Variants in ZHX3 observed in about 807,000 individuals in gnomAD.
The protein encoded by ZHX3 is zinc fingers and homeoboxes protein 3.
In ZHX3, 20 loss-of-function variants were observed where a neutral mutation model predicts 64.5. That is an observed-to-expected ratio of 0.31 (90% CI 0.22 to 0.45). The LOEUF is 0.45. Ranked by LOEUF, ZHX3 falls within the 20% of genes least tolerant of loss-of-function variation. The pLI is 1.00. For missense variants in ZHX3, 1,041 were observed against 1,195.8 expected (o/e 0.87, Z 1.91); for synonymous variants, 423 against 461.6 (o/e 0.92, Z 1.07).
chr20:41,259,457 T>C lies in ZHX3; in HGVS notation c.-151+9533A>G, dbSNP rs1302926228. 2.6e-5 allele frequency among the ~76,000 whole-genome samples: 4 copies of C among 152,122 alleles called. No individual in the cohort carries two copies. The East Asian group carries it at 7.7e-4, about 29-fold the overall frequency. On this transcript the variant is annotated intron_variant, in intron 2 of 3. Transcript: ENST00000683867. ...CATTTCATGTAGTGCTAGTAAAAAA[T>C]TGGGAATAATTTAAACATCCACCAA... is the stretch of plus-strand genomic sequence containing the variant.
intron 1 of ZHX3, chr20:41,300,143 A>G (rs564325077): frequency 1.3e-5 from 2 of 152,286 alleles, no homozygotes; most frequent in South Asian, 4.1e-4. Context: ...CATGGAGGCA[A>G]TTGTAATGTC....
intron 3 of ZHX3, among the ~76,000 whole-genome samples, chr20:41,192,112 A>G (rs1346444991): frequency 6.6e-6 from 1 of 152,116 alleles, no homozygotes; most frequent in Admixed American, 6.5e-5. Flanking sequence ...GTCCCAAGTG[A>G]TATGTGCTTG....
At chr20:41,311,759 G>A (rs1405150143) in intron 1 of ZHX3, among the ~76,000 whole-genome samples, 1 of 152,146 alleles carries the variant, frequency 6.6e-6, no homozygotes, top group Non-Finnish European at 1.5e-5. Context: ...AACAGAAGTG[G>A]TAATATAATT....
chr20:41,186,688 T>G (rs537402071), intron 3 of ZHX3, among the ~76,000 whole-genome samples: 5 of 152,364 alleles, frequency 3.3e-5, no homozygotes, highest in African/African-American at 1.2e-4. Context: ...ACAGCCATCT[T>G]AAGTGTGAAG....
At chr20:41,218,413 T>C in intron 2 of ZHX3, among the ~76,000 whole-genome samples, 1 of 152,060 alleles carries the variant, frequency 6.6e-6, no homozygotes, top group Non-Finnish European at 1.5e-5. Context: ...TACTGCACTT[T>C]AGCCTGGGCA....
In ZHX3 at chr20:41,287,248, C is replaced by G. The variant is rs138853789; in HGVS notation, c.-244-18165G>C. Among the ~76,000 whole-genome samples the G allele has an allele frequency of 4.6e-3, 704 of 152,282 alleles. 8 individuals are homozygous for G. The highest frequency in any genetic ancestry group is 0.015 in the African/African-American group (642 of 41,558). ...TAAATATTACTGTTTAGAGAGGCCT[C>G]CCCTGACTACACCACCCCAAGTAGC... On this transcript the variant is annotated intron_variant, in intron 1 of 3. Coordinates refer to ENST00000683867, the MANE Select transcript of ZHX3 (RefSeq NM_001384317.1).
At chr20:41,257,315 T>C (rs187044920) in intron 2 of ZHX3, among the ~76,000 whole-genome samples, 8 of 152,320 alleles carry the variant, frequency 5.3e-5, no homozygotes, top group African/African-American at 1.9e-4. Flanking sequence ...TTGACTAATT[T>C]TCTGCTATCA....
intron 1 of ZHX3, among the ~76,000 whole-genome samples, chr20:41,282,648 G>A (rs1009933886): frequency 1.3e-5 from 2 of 151,956 alleles, no homozygotes; most frequent in Non-Finnish European, 2.9e-5. Flanking sequence ...GTAAGCCACC[G>A]CACCCAGCCC....
At chr20:41,243,521 G>A (rs951639524) in intron 2 of ZHX3, among the ~76,000 whole-genome samples, 1 of 152,154 alleles carries the variant, frequency 6.6e-6, no homozygotes, top group Non-Finnish European at 1.5e-5. Context: ...TCTTACCTAT[G>A]TGGAAGCTAA....
intron 2 of ZHX3, among the ~76,000 whole-genome samples, chr20:41,215,670 C>G (rs539692441): frequency 1.3e-5 from 2 of 150,998 alleles, no homozygotes; most frequent in Non-Finnish European, 2.9e-5. Context: ...CGCGGTGGCT[C>G]ACGCCTGTAA....
chr20:41,287,170 C>T (rs1325825422), intron 1 of ZHX3, among the ~76,000 whole-genome samples: 1 of 152,124 alleles, frequency 6.6e-6, no homozygotes, highest in Admixed American at 6.5e-5. Context: ...AGGAATCAAT[C>T]ATTTATCCCA....
intron 1 of ZHX3, among the ~76,000 whole-genome samples, chr20:41,293,972 C>T (rs2044375431): frequency 6.6e-6 from 1 of 152,164 alleles, no homozygotes; most frequent in Admixed American, 6.5e-5. Context: ...AGCACAACTC[C>T]AGACAATCAA....
At chr20:41,264,188 T>C (rs1311060297) in intron 2 of ZHX3, among the ~76,000 whole-genome samples, 9 of 151,162 alleles carry the variant, frequency 6.0e-5, no homozygotes, top group African/African-American at 2.2e-4. Context: ...ACGGGCAGAT[T>C]GCCTGAGCTC....
chr20:41,264,999 C>T (rs2042765601), intron 2 of ZHX3, among the ~76,000 whole-genome samples: 1 of 152,072 alleles, frequency 6.6e-6, no homozygotes, highest in African/African-American at 2.4e-5. Context: ...ACAAACTATG[C>T]AGTCATTAAA....
At chr20:41,211,353 A>C (rs2039144702) in intron 2 of ZHX3, among the ~76,000 whole-genome samples, 1 of 152,202 alleles carries the variant, frequency 6.6e-6, no homozygotes, top group Admixed American at 6.5e-5. Flanking sequence ...TCAAATTCTC[A>C]GTAAATAAAC....
Position 41,200,587 on chromosome 20 carries a change from C to T in ZHX3, c.2860+1470G>A, listed in dbSNP as rs1274800205. 1.3e-5 allele frequency among the ~76,000 whole-genome samples: 2 copies of T among 152,150 alleles called. No homozygotes were observed. The highest frequency in any genetic ancestry group is 1.5e-5 in the Non-Finnish European group (1 of 68,026). On this transcript the variant is annotated intron_variant, in intron 3 of 3. Coordinates refer to ENST00000683867, the MANE Select transcript of ZHX3 (RefSeq NM_001384317.1). The surrounding 1 kb of genome is among the most constrained non-coding windows in gnomAD (Gnocchi z 4.2). The stretch of plus-strand genomic sequence containing the variant: ...TGTTTTGTTGTTGCCGTATTGAAAA[C>T]ATGGCTGGAGTTGGAGGAGGCTGTA...
At chr20:41,189,758 C>G (rs2036844923) in intron 3 of ZHX3, among the ~76,000 whole-genome samples, 1 of 152,108 alleles carries the variant, frequency 6.6e-6, no homozygotes, top group Non-Finnish European at 1.5e-5. Flanking sequence ...TTCTAAGTAT[C>G]AGATCATGTC....
chr20:41,223,593 C>T (rs2040085751), intron 2 of ZHX3, among the ~76,000 whole-genome samples: 1 of 152,124 alleles, frequency 6.6e-6, no homozygotes, highest in Admixed American at 6.5e-5. Flanking sequence ...GCTAGAAATA[C>T]CTCGAGAAAA....
At chr20:41,313,735 C>T (rs575004016) in intron 1 of ZHX3, among the ~76,000 whole-genome samples, 47 of 151,770 alleles carry the variant, frequency 3.1e-4, no homozygotes, top group African/African-American at 1.1e-3. Flanking sequence ...GTAGCTGGAA[C>T]TACAGGCGCC....
Sources: allele counts gnomAD v4.1 joint callset (sites outside exome capture counted in the v4.1 genomes callset), GRCh38; gene constraint gnomAD v4.1.1; non-coding constraint Gnocchi (gnomAD v3.1); transcripts MANE v1.5; gene names NCBI Gene and HGNC (gene_info 2026-07-23, HGNC 2026-07-21).